Variants in SCHIP1 observed in about 807,000 individuals in gnomAD.
SCHIP1 encodes the protein schwannomin interacting protein 1.
In SCHIP1, 8 loss-of-function variants were observed where a neutral mutation model predicts 29.7. The ratio of observed to expected loss-of-function variants is 0.27; its 90% CI spans 0.16 to 0.49. The LOEUF (loss-of-function observed/expected upper bound fraction) is 0.49, where lower values mean the gene tolerates loss of function less well. Among genes scored for constraint, SCHIP1 ranks in the 20% least tolerant of loss-of-function variants. The pLI, the probability that SCHIP1 is intolerant of heterozygous loss-of-function variation, is 0.99. For missense variants in SCHIP1, 193 were observed against 294.6 expected (o/e 0.66, Z 2.52); for synonymous variants, 76 against 94.9 (o/e 0.80, Z 1.16).
intron 2 of SCHIP1, among the ~76,000 whole-genome samples, chr3:159,872,517 G>A (rs772623939): frequency 3.9e-5 from 6 of 152,088 alleles, no homozygotes; most frequent in Non-Finnish European, 7.4e-5. Flanking sequence ...GTGGAGACAC[G>A]GATATCTAAA....
At chr3:159,788,633 G>C in the SCHIP1 span, among the ~76,000 whole-genome samples, 2 of 152,094 alleles carry the variant, frequency 1.3e-5, no homozygotes, top group South Asian at 4.2e-4. Context: ...CTTTCTTGGT[G>C]AGTTCACCAC....
the SCHIP1 span, among the ~76,000 whole-genome samples, chr3:159,382,442 A>C: frequency 2.0e-5 from 3 of 151,384 alleles, no homozygotes; most frequent in South Asian, 2.1e-4. Context: ...TGAACTCATC[A>C]TTTTTTATGG....
the SCHIP1 span, among the ~76,000 whole-genome samples, chr3:159,299,686 G>A: frequency 6.6e-6 from 1 of 152,108 alleles, no homozygotes; most frequent in African/African-American, 2.4e-5. Flanking sequence ...GGGTTGCTCT[G>A]GTGTGGAGCG....
chr3:159,329,805 A>G, the SCHIP1 span, among the ~76,000 whole-genome samples: 64 of 152,240 alleles, frequency 4.2e-4, no homozygotes, highest in African/African-American at 1.3e-3. Context: ...ATGTTTCCCA[A>G]TTGAAAACTC....
chr3:159,507,482 G>A, the SCHIP1 span, among the ~76,000 whole-genome samples: 2 of 152,054 alleles, frequency 1.3e-5, no homozygotes, highest in South Asian at 4.1e-4. Flanking sequence ...TGATTGCCCT[G>A]GCCAGAACTT....
chr3:159,658,095 T>C, the SCHIP1 span, among the ~76,000 whole-genome samples: 1 of 152,324 alleles, frequency 6.6e-6, no homozygotes, highest in African/African-American at 2.4e-5. Context: ...AGAGGAAGAA[T>C]GGGTGAACAG....
the SCHIP1 span, among the ~76,000 whole-genome samples, chr3:159,499,669 G>A: frequency 6.6e-6 from 1 of 152,206 alleles, no homozygotes; most frequent in African/African-American, 2.4e-5. Flanking sequence ...AAATTCATGA[G>A]CTACTGAGAT....
the SCHIP1 span, among the ~76,000 whole-genome samples, chr3:159,823,107 A>T: frequency 6.6e-6 from 1 of 152,078 alleles, no homozygotes; most frequent in Non-Finnish European, 1.5e-5. Flanking sequence ...AAGGAGAGTG[A>T]ATAAGGAGGT....
the SCHIP1 span, among the ~76,000 whole-genome samples, chr3:159,498,766 G>T: frequency 1.3e-5 from 2 of 152,056 alleles, no homozygotes; most frequent in Non-Finnish European, 1.5e-5. Flanking sequence ...AACGAAAAGA[G>T]AATAACTAAG....
the SCHIP1 span, among the ~76,000 whole-genome samples, chr3:159,521,116 C>A: frequency 2.0e-5 from 3 of 152,310 alleles, no homozygotes; most frequent in Admixed American, 6.5e-5. Context: ...AGGAGAGTGC[C>A]TGTTTCCCCA....
the SCHIP1 span, among the ~76,000 whole-genome samples, chr3:159,317,146 G>A: frequency 6.6e-6 from 1 of 152,154 alleles, no homozygotes; most frequent in African/African-American, 2.4e-5. Flanking sequence ...CGCCCTAATG[G>A]ATCTCCTGTA....
chr3:159,711,007 T>G, the SCHIP1 span, among the ~76,000 whole-genome samples: 1 of 152,104 alleles, frequency 6.6e-6, no homozygotes, highest in Non-Finnish European at 1.5e-5. Context: ...AGAAATCTCT[T>G]TGTTGTGTCC....
the SCHIP1 span, among the ~76,000 whole-genome samples, chr3:159,830,186 G>C: frequency 3.3e-5 from 5 of 152,108 alleles, no homozygotes; most frequent in Admixed American, 2.0e-4. Context: ...TCTATGTAAA[G>C]CTATATCTGG....
At chr3:159,637,404 C>G in the SCHIP1 span, among the ~76,000 whole-genome samples, 2 of 151,662 alleles carry the variant, frequency 1.3e-5, no homozygotes, top group African/African-American at 4.8e-5. Context: ...CACACACACA[C>G]ACACACACAC....
the SCHIP1 span, among the ~76,000 whole-genome samples, chr3:159,459,640 G>A: frequency 6.6e-6 from 1 of 152,076 alleles, no homozygotes; most frequent in African/African-American, 2.4e-5. Flanking sequence ...ACTCAGGGTA[G>A]CCCAAACAAA....
chr3:159,425,661 G>C, the SCHIP1 span, among the ~76,000 whole-genome samples: 5 of 151,766 alleles, frequency 3.3e-5, no homozygotes, highest in Middle Eastern at 6.8e-3. Flanking sequence ...AGGATACCCA[G>C]GAATTGAACT....
the SCHIP1 span, among the ~76,000 whole-genome samples, chr3:159,420,001 T>G: frequency 2.6e-5 from 4 of 152,178 alleles, no homozygotes; most frequent in Non-Finnish European, 5.9e-5. Flanking sequence ...GTCTGAAAAC[T>G]TATTATTTCC....
At chr3:159,537,984 C>T in the SCHIP1 span, among the ~76,000 whole-genome samples, 17 of 152,220 alleles carry the variant, frequency 1.1e-4, no homozygotes, top group East Asian at 3.3e-3. Flanking sequence ...ATTAGTTAAA[C>T]ATCATCATTT....
the SCHIP1 span, among the ~76,000 whole-genome samples, chr3:159,354,832 T>C: frequency 5.9e-5 from 9 of 152,282 alleles, no homozygotes; most frequent in East Asian, 1.9e-4. Context: ...CTGTGTTAGA[T>C]AGAAAAAGGC....
Sources: allele counts gnomAD v4.1 joint callset (sites outside exome capture counted in the v4.1 genomes callset), GRCh38; gene constraint gnomAD v4.1.1; transcripts MANE v1.5; gene names NCBI Gene and HGNC (gene_info 2026-07-23, HGNC 2026-07-21).